Variants in ZNF670 observed in about 807,000 individuals in gnomAD.
The protein encoded by ZNF670 is zinc finger protein 670.
A neutral mutation model predicts 10.9 loss-of-function variants in ZNF670; 7 were observed. The observed-to-expected ratio is 0.64, with a 90% CI of 0.36 to 1.20. The LOEUF is 1.20. Among genes scored for constraint, ZNF670 ranks in the 50% most tolerant of loss-of-function variants. ZNF670 has a pLI of 0.02. For missense variants in ZNF670, 446 were observed against 458.6 expected (o/e 0.97, Z 0.25); for synonymous variants, 136 against 152.7 (o/e 0.89, Z 0.81).
intron 1 of ZNF670, among the ~76,000 whole-genome samples, chr1:247,068,659 G>T (rs559431411): frequency 6.6e-6 from 1 of 150,716 alleles, no homozygotes; most frequent in South Asian, 2.1e-4. Context: ...TCACTGCTGG[G>T]TATATACCCA....
intron 1 of ZNF670, among the ~76,000 whole-genome samples, chr1:247,044,718 C>G (rs766927663): frequency 1.3e-5 from 2 of 152,076 alleles, no homozygotes; most frequent in African/African-American, 4.8e-5. Flanking sequence ...AAACCAAATA[C>G]CACATGTTCT....
intron 1 of ZNF670, 140 bp downstream of exon 1, chr1:247,078,454 A>G: frequency 9.3e-7 from 1 of 1,079,206 alleles, no homozygotes; most frequent in Non-Finnish European, 1.3e-6. Context: ...CTGCGGGTCC[A>G]GCCCCGCATC....
chr1:247,055,691 C>T (rs1572564440), intron 1 of ZNF670, among the ~76,000 whole-genome samples: 2 of 152,052 alleles, frequency 1.3e-5, no homozygotes, highest in African/African-American at 2.4e-5. Flanking sequence ...CTGAGTTTAA[C>T]GGAACTAAAT....
chr1:247,047,897 C>T (rs1670491789), intron 1 of ZNF670, among the ~76,000 whole-genome samples: 1 of 152,022 alleles, frequency 6.6e-6, no homozygotes, highest in African/African-American at 2.4e-5. Flanking sequence ...GATCATGAAA[C>T]CATTTTTTTC....
chr1:247,040,811 T>C (rs1418589856), intron 1 of ZNF670, among the ~76,000 whole-genome samples: 1 of 152,168 alleles, frequency 6.6e-6, no homozygotes, highest in African/African-American at 2.4e-5. Flanking sequence ...TTCTCCTGCC[T>C]CAGCCTCCCG....
Position 247,078,741 on chromosome 1 carries a change from C to G in ZNF670, c.-145G>C, listed in dbSNP as rs1470533863. 3.4e-5 allele frequency: 29 copies of G among 855,854 alleles called. No homozygotes were observed. The highest frequency in any genetic ancestry group is 4.7e-5 in the Non-Finnish European group (26 of 551,930). 53.0% of individuals were successfully genotyped at this position (855,854 alleles called of 1,614,324 possible). On this transcript the variant is annotated 5_prime_UTR_variant, in exon 1 of 4. Coordinates refer to ENST00000366503, the MANE Select transcript of ZNF670 (RefSeq NM_033213.5). Reference sequence around the variant, plus strand: ...GGAGACGCACCGAGCTCGCCACATTCGCGCTGCCCAACACAAAAGCCGCGC... The same window carrying G: ...GGAGACGCACCGAGCTCGCCACATTGGCGCTGCCCAACACAAAAGCCGCGC...
At chr1:247,051,263 A>AAC (rs1243003838) in intron 1 of ZNF670, among the ~76,000 whole-genome samples, 2 of 131,954 alleles carry the variant, frequency 1.5e-5, no homozygotes, top group African/African-American at 6.3e-5. Flanking sequence ...CCAAGAAAAA[A>AAC]AAAAACAAAA....
intron 1 of ZNF670, among the ~76,000 whole-genome samples, chr1:247,074,615 A>G (rs1385150533): frequency 6.6e-6 from 1 of 152,026 alleles, no homozygotes; most frequent in Non-Finnish European, 1.5e-5. Flanking sequence ...TTTTCCATGG[A>G]TGGTGGGGAT....
chr1:247,038,158 G>C lies in ZNF670; in HGVS notation c.461C>G (p.Thr154Ser). ...TGTTACCATGTGTCTGTCAACACTG[G>C]TGAGAGAGATAAAGGCTTTCCCACA... ...KQCGKAFISL[T>S]SVDRHMVTHT... Residue 154 changes from threonine to serine, a missense_variant, in exon 4 of 4, where the codon ACC (threonine) becomes AGC (serine). By Grantham distance (58) the Thr-to-Ser change is moderately conservative. Transcript: ENST00000366503. 1 of 1,614,162 alleles carries C rather than the reference G, an allele frequency of 6.2e-7. No homozygotes were observed. The highest frequency in any genetic ancestry group is 8.5e-7 in the Non-Finnish European group (1 of 1,180,024).
At chr1:247,050,237 T>C (rs1294035601) in intron 1 of ZNF670, among the ~76,000 whole-genome samples, 4 of 152,200 alleles carry the variant, frequency 2.6e-5, no homozygotes, top group African/African-American at 4.8e-5. Flanking sequence ...GACTGTGATA[T>C]TTTCCTGTTG....
At chr1:247,046,649 C>T (rs1198915654) in intron 1 of ZNF670, among the ~76,000 whole-genome samples, 1 of 152,192 alleles carries the variant, frequency 6.6e-6, no homozygotes, top group East Asian at 1.9e-4. Flanking sequence ...TCTACTAGGG[C>T]AGTGCCAAGA....
In ZNF670 at chr1:247,045,785, C is replaced by G. The variant is rs141057089; in HGVS notation, c.4-6248G>C. Among the ~76,000 whole-genome samples, 12 of 152,136 alleles carry G rather than the reference C, an allele frequency of 7.9e-5. 1 individual carries two copies. Among genetic ancestry groups the G allele is most frequent in the African/African-American group, 2.4e-4 (10 of 41,496 alleles). ...AGACTTTCAAGGGCTCAGAAAAAGA[C>G]AGGGAGATGAGGAAAATTAGAACTT... On this transcript the variant is annotated intron_variant, in intron 1 of 3. Transcript: ENST00000366503.
intron 1 of ZNF670, among the ~76,000 whole-genome samples, chr1:247,068,359 G>C (rs1245700866): frequency 7.8e-6 from 1 of 127,450 alleles, no homozygotes; most frequent in Non-Finnish European, 1.6e-5. Context: ...GATATGAATA[G>C]ACAGTTCTCA....
In ZNF670 at chr1:247,065,896, G is replaced by C. The variant is rs1670969126; in HGVS notation, c.3+12698C>G. Among the ~76,000 whole-genome samples, 3 of 152,184 alleles carry C rather than the reference G, an allele frequency of 2.0e-5. No individual in the cohort carries two copies. In the South Asian group the frequency reaches 6.2e-4, roughly 31 times the overall value. ...AATTTATCTGTAACTTAAAAACCCA[G>C]CACTTTTTTTCTCAATGCGTAATAA... On this transcript the variant is annotated intron_variant, in intron 1 of 3. Coordinates refer to ENST00000366503, the MANE Select transcript of ZNF670 (RefSeq NM_033213.5).
Position 247,038,231 on chromosome 1 carries a change from GT to G in ZNF670, c.387del (p.Lys129AsnfsTer33). 2 of 1,614,144 alleles carry G rather than the reference GT, an allele frequency of 1.2e-6. No homozygotes were observed. Among genetic ancestry groups the G allele is most frequent in the South Asian group, 2.2e-5 (2 of 91,080 alleles). On this transcript the variant is annotated frameshift_variant, in exon 4 of 4. Transcript: ENST00000366503. LOFTEE classifies it low-confidence loss of function (END_TRUNC). ...HRHILSHIGN[K>X]LFECEECPEK... ...TCTGGACATTCCTCACACTCAAATA[GT>G]TTGTTTCCAATGTGAGACAGGATGT...
intron 1 of ZNF670, among the ~76,000 whole-genome samples, chr1:247,044,794 G>T (rs1007586960): frequency 2.6e-5 from 4 of 152,010 alleles, no homozygotes; most frequent in African/African-American, 7.3e-5. Context: ...CAGACACTGG[G>T]GCCTACCTGA....
chr1:247,068,034 C>A (rs1671030182), intron 1 of ZNF670, among the ~76,000 whole-genome samples: 1 of 147,990 alleles, frequency 6.8e-6, no homozygotes, highest in Non-Finnish European at 1.5e-5. Flanking sequence ...AAAAGATGGG[C>A]AAGGCTGGGC....
At chr1:247,059,268 T>C (rs12066932) in intron 1 of ZNF670, among the ~76,000 whole-genome samples, 53,544 of 150,866 alleles carry the variant, frequency 0.35, 10,966 homozygotes, top group African/African-American at 0.56. Flanking sequence ...GGTGAAACCC[T>C]GTCTCTACTA....
chr1:247,042,783 T>TGAGTTCC (rs1670347769), intron 1 of ZNF670: 1 of 475,284 alleles, frequency 2.1e-6, no homozygotes, highest in African/African-American at 1.9e-5. Flanking sequence ...GGTTGAGTTC[T>TGAGTTCC]GAGTTCCATG....
Sources: allele counts gnomAD v4.1 joint callset (sites outside exome capture counted in the v4.1 genomes callset), GRCh38; gene constraint gnomAD v4.1.1; transcripts MANE v1.5; gene names NCBI Gene and HGNC (gene_info 2026-07-23, HGNC 2026-07-21).